Variants in ST7 observed in about 807,000 individuals in gnomAD.
The protein encoded by ST7 is suppression of tumorigenicity 7, also known as suppressor of tumorigenicity 7 protein.
In ST7, 28 loss-of-function variants were observed where a neutral mutation model predicts 78.7. The ratio of observed to expected loss-of-function variants is 0.36; its 90% CI spans 0.26 to 0.49. The LOEUF (loss-of-function observed/expected upper bound fraction) is 0.49, where lower values mean the gene tolerates loss of function less well. Among genes scored for constraint, ST7 ranks in the 20% least tolerant of loss-of-function variants. The pLI is 0.99. For synonymous variants in ST7, 247 were observed against 249.6 expected, an observed-to-expected ratio of 0.99 and a Z score of 0.10; for missense variants, 418 against 696.0, an observed-to-expected ratio of 0.60 and a Z score of 4.49.
rs200424627 is a variant in ST7, at chr7:117,031,885, T to A, written c.152-67877T>A. ...ATCTATCTATCTATATATATATATT[T>A]TTTTTTTTTTTTTGGCAATGGAGTC... On this transcript the variant is annotated intron_variant, in intron 1 of 15. Coordinates refer to ENST00000323984, the MANE Select transcript of ST7 (RefSeq NM_001369598.1). 1.8e-3 allele frequency among the ~76,000 whole-genome samples: 175 copies of A among 97,060 alleles called. 12 individuals are homozygous for A. Among genetic ancestry groups the A allele is most frequent in the African/African-American group, 5.6e-3 (161 of 28,510 alleles). 63.7% of individuals were successfully genotyped at this position (97,060 alleles called of 152,430 possible).
chr7:117,182,843 G>T (rs1808886814), intron 10 of ST7: 1 of 152,222 alleles, frequency 6.6e-6, no homozygotes, highest in Non-Finnish European at 1.5e-5. Context: ...AAGTTCTGAA[G>T]AATATGTCAG....
intron 1 of ST7, among the ~76,000 whole-genome samples, chr7:117,030,001 T>C (rs550910992): frequency 4.1e-4 from 62 of 152,314 alleles, no homozygotes; most frequent in Non-Finnish European, 1.5e-4. Context: ...CTTTTGGCTA[T>C]ATTTGATCCT....
At chr7:117,106,881 A>G (rs142062808) in intron 2 of ST7, among the ~76,000 whole-genome samples, 3 of 152,084 alleles carry the variant, frequency 2.0e-5, no homozygotes, top group Non-Finnish European at 2.9e-5. Context: ...CGGCCTCCCA[A>G]AGTGCTGGGA....
intron 1 of ST7, among the ~76,000 whole-genome samples, chr7:117,070,627 G>A (rs1392989719): frequency 6.6e-6 from 1 of 151,958 alleles, no homozygotes; most frequent in Non-Finnish European, 1.5e-5. Flanking sequence ...TGCAAGCTCC[G>A]CCTCTCGGGT....
chr7:117,125,635 A>G lies in ST7; in HGVS notation c.395-4158A>G, dbSNP rs183409520. Among the ~76,000 whole-genome samples the G allele has an allele frequency of 1.0e-3, 152 of 152,232 alleles. 1 individual carries two copies. The highest frequency in any genetic ancestry group is 3.0e-3 in the Admixed American group (46 of 15,278). On this transcript the variant is annotated intron_variant, in intron 3 of 15. Transcript: ENST00000323984. ...AGAGAATTGGGTATTCATTTCTGAG[A>G]TATCAAAGCTAATAAACATATGCAC... is the stretch of plus-strand genomic sequence containing the variant.
chr7:117,011,425 TTAAAG>T (rs957787630), intron 1 of ST7, among the ~76,000 whole-genome samples: 25 of 152,246 alleles, frequency 1.6e-4, no homozygotes, highest in African/African-American at 5.5e-4. Flanking sequence ...TGTAATTGGT[TTAAAG>T]TAGAGTCCAA....
chr7:117,117,755 G>A (rs1803003042), intron 2 of ST7: 1 of 152,134 alleles, frequency 6.6e-6, no homozygotes, highest in South Asian at 2.1e-4. Context: ...TGGCAGCTTT[G>A]CTATTACTTT....
At chr7:116,967,826 G>C (rs922675073) in intron 1 of ST7, among the ~76,000 whole-genome samples, 3 of 152,150 alleles carry the variant, frequency 2.0e-5, no homozygotes, top group East Asian at 3.9e-4. Context: ...GTACTTCTTG[G>C]TGTCTAACTC....
Position 117,198,250 on chromosome 7 carries a change from C to T in ST7, c.1254+7314C>T, listed in dbSNP as rs1190054499. The T allele has an allele frequency of 1.4e-5, 6 of 441,386 alleles. No individual in the cohort carries two copies. The Admixed American group carries it at 1.5e-4, about 11-fold the overall frequency. 27.3% of individuals were successfully genotyped at this position (441,386 alleles called of 1,614,324 possible). A position where few individuals can be genotyped will look rare whatever the true frequency, so the allele number is the denominator to read the frequency against. On this transcript the variant is annotated intron_variant, in intron 12 of 15. Coordinates refer to ENST00000323984, the MANE Select transcript of ST7 (RefSeq NM_001369598.1). Reference sequence around the variant, plus strand: ...TTACATCGTGTAATTCATTCAGTACCTGCTCAGTACATGTTGGCCCCTTCG... The same window carrying T: ...TTACATCGTGTAATTCATTCAGTACTTGCTCAGTACATGTTGGCCCCTTCG...
At chr7:117,120,495 T>A (rs1383792299) in intron 3 of ST7, among the ~76,000 whole-genome samples, 2 of 152,238 alleles carry the variant, frequency 1.3e-5, no homozygotes, top group Non-Finnish European at 2.9e-5. Context: ...AACTTTGGCT[T>A]CTGTCACAAT....
At chr7:117,217,790 T>A (rs1401240189) in intron 13 of ST7, among the ~76,000 whole-genome samples, 1 of 152,264 alleles carries the variant, frequency 6.6e-6, no homozygotes, top group Non-Finnish European at 1.5e-5. Context: ...GCAAACTGGC[T>A]CTGCTCTAAT....
intron 1 of ST7, among the ~76,000 whole-genome samples, chr7:117,065,107 A>G (rs1798560142): frequency 6.6e-6 from 1 of 152,028 alleles, no homozygotes; most frequent in Non-Finnish European, 1.5e-5. Context: ...TTCTAACTAT[A>G]CTGATAAAGA....
chr7:117,063,999 G>T (rs1440739349), intron 1 of ST7, among the ~76,000 whole-genome samples: 1 of 152,068 alleles, frequency 6.6e-6, no homozygotes, highest in Admixed American at 6.5e-5. Flanking sequence ...GAAATAATTA[G>T]ATTTCCTCAT....
At chr7:117,214,299 C>T (rs1792517842) in intron 13 of ST7, among the ~76,000 whole-genome samples, 1 of 151,962 alleles carries the variant, frequency 6.6e-6, no homozygotes, top group African/African-American at 2.4e-5. Context: ...TCCCCCCGCC[C>T]CAAAGAATCC....
At chr7:117,070,366 A>G (rs1168390859) in intron 1 of ST7, among the ~76,000 whole-genome samples, 1 of 152,166 alleles carries the variant, frequency 6.6e-6, no homozygotes, top group Non-Finnish European at 1.5e-5. Flanking sequence ...CCATTTTCCA[A>G]ATTATATTTT....
At chr7:117,039,741 C>T (rs2116272710) in intron 1 of ST7, among the ~76,000 whole-genome samples, 1 of 151,828 alleles carries the variant, frequency 6.6e-6, no homozygotes, top group South Asian at 2.1e-4. Context: ...AAAACAAATC[C>T]CTCCTCTCTA....
intron 1 of ST7, among the ~76,000 whole-genome samples, chr7:117,040,153 C>A (rs1426037525): frequency 2.6e-5 from 4 of 151,926 alleles, no homozygotes; most frequent in Non-Finnish European, 5.9e-5. Flanking sequence ...GTGGGTGGAT[C>A]ACGATGTCAG....
chr7:117,117,395 T>A (rs993349813), intron 2 of ST7, among the ~76,000 whole-genome samples: 1 of 152,082 alleles, frequency 6.6e-6, no homozygotes, highest in African/African-American at 2.4e-5. Context: ...GTGTGGAACA[T>A]GTAGTGCTGT....
At chr7:117,060,073 T>A (rs1798272118) in intron 1 of ST7, among the ~76,000 whole-genome samples, 1 of 152,180 alleles carries the variant, frequency 6.6e-6, no homozygotes, top group Non-Finnish European at 1.5e-5. Context: ...ATTTTTAGGA[T>A]TTGTCTGATT....
Sources: allele counts gnomAD v4.1 joint callset (sites outside exome capture counted in the v4.1 genomes callset), GRCh38; gene constraint gnomAD v4.1.1; transcripts MANE v1.5; gene names NCBI Gene and HGNC (gene_info 2026-07-23, HGNC 2026-07-21).